Variants in SNTG1 observed in about 807,000 individuals in gnomAD.
SNTG1 encodes the protein gamma-1-syntrophin.
Under a neutral mutation model 74.7 loss-of-function variants are expected in SNTG1, and 39 were observed. The ratio of observed to expected loss-of-function variants is 0.52; its 90% CI spans 0.40 to 0.68. SNTG1 has a LOEUF of 0.68. Ranked by LOEUF, SNTG1 falls within the 30% of genes least tolerant of loss-of-function variation. SNTG1 has a pLI of 0.00. For synonymous variants in SNTG1, 254 were observed against 217.1 expected, an observed-to-expected ratio of 1.17 and a Z score of -1.49; for missense variants, 685 against 609.5, an observed-to-expected ratio of 1.12 and a Z score of -1.30.
chr8:50,035,215 T>A (rs1818051660), intron 1 of SNTG1, among the ~76,000 whole-genome samples: 5 of 152,190 alleles, frequency 3.3e-5, no homozygotes. Context: ...CTCCTGGGTG[T>A]CTCTCTTAGA....
chr8:50,658,039 A>G (rs1301698287), intron 14 of SNTG1, among the ~76,000 whole-genome samples: 3 of 152,132 alleles, frequency 2.0e-5, no homozygotes, highest in African/African-American at 4.8e-5. Flanking sequence ...CAGAGGAAAA[A>G]TTGATATTTA....
chr8:50,544,950 A>G (rs1241450528), intron 11 of SNTG1, among the ~76,000 whole-genome samples: 1 of 152,010 alleles, frequency 6.6e-6, no homozygotes, highest in Non-Finnish European at 1.5e-5. Flanking sequence ...TATTGCATAT[A>G]TATATGTATA....
chr8:50,607,921 A>G (rs2094824308), intron 13 of SNTG1, among the ~76,000 whole-genome samples: 2 of 151,674 alleles, frequency 1.3e-5, no homozygotes, highest in Non-Finnish European at 1.5e-5. Flanking sequence ...AAACTCATTC[A>G]TGGTAGTTTC....
At chr8:50,430,365 C>T (rs1269293047) in intron 4 of SNTG1, among the ~76,000 whole-genome samples, 1 of 152,030 alleles carries the variant, frequency 6.6e-6, no homozygotes, top group Non-Finnish European at 1.5e-5. Context: ...ACTGATGTCC[C>T]CAACTAGTTT....
chr8:49,957,283 G>A (rs913026635), intron 1 of SNTG1, among the ~76,000 whole-genome samples: 2 of 152,162 alleles, frequency 1.3e-5, no homozygotes, highest in South Asian at 4.1e-4. Context: ...AGCAACATCA[G>A]CAAAATGCCA....
intron 1 of SNTG1, among the ~76,000 whole-genome samples, chr8:50,153,025 G>A (rs893545655): frequency 4.6e-5 from 7 of 152,128 alleles, no homozygotes; most frequent in South Asian, 2.1e-4. Flanking sequence ...TATTCTCCCC[G>A]TCACTTTCAG....
At chr8:50,100,688 G>C (rs2080089059) in intron 1 of SNTG1, among the ~76,000 whole-genome samples, 1 of 151,982 alleles carries the variant, frequency 6.6e-6, no homozygotes, top group Non-Finnish European at 1.5e-5. Flanking sequence ...GTTTTATCTA[G>C]ATTTTTCTTC....
intron 17 of SNTG1, among the ~76,000 whole-genome samples, chr8:50,728,244 A>G (rs2095504789): frequency 6.6e-6 from 1 of 152,056 alleles, no homozygotes; most frequent in Admixed American, 6.5e-5. Flanking sequence ...AACACTAACT[A>G]TATACGAAGA....
chr8:50,049,124 T>C (rs1819348328), intron 1 of SNTG1, among the ~76,000 whole-genome samples: 1 of 151,984 alleles, frequency 6.6e-6, no homozygotes. Flanking sequence ...AAAAGAGCCA[T>C]GAATTGTAAA....
At chr8:50,687,837 T>C (rs2095359472) in intron 15 of SNTG1, among the ~76,000 whole-genome samples, 1 of 152,194 alleles carries the variant, frequency 6.6e-6, no homozygotes, top group Non-Finnish European at 1.5e-5. Context: ...TTTTTTGTCC[T>C]TGCGATATTT....
At chr8:50,513,694 G>T (rs985999053) in intron 9 of SNTG1, among the ~76,000 whole-genome samples, 1 of 152,202 alleles carries the variant, frequency 6.6e-6, no homozygotes, top group East Asian at 1.9e-4. Context: ...GAGGCTCCGT[G>T]GGCATAAGAC....
intron 15 of SNTG1, among the ~76,000 whole-genome samples, chr8:50,698,223 A>G (rs987738946): frequency 1.1e-4 from 16 of 152,178 alleles, no homozygotes; most frequent in African/African-American, 3.6e-4. Context: ...TAGGTTTTCT[A>G]GTTTGTGAGC....
intron 1 of SNTG1, among the ~76,000 whole-genome samples, chr8:49,942,200 A>C (rs530665398): frequency 6.6e-6 from 1 of 152,286 alleles, no homozygotes; most frequent in Non-Finnish European, 1.5e-5. Context: ...ATTTGTCTTG[A>C]CTGAGACCTA....
At chr8:50,770,513 A>G (rs546115735) in intron 18 of SNTG1, among the ~76,000 whole-genome samples, 1 of 151,996 alleles carries the variant, frequency 6.6e-6, no homozygotes, top group Non-Finnish European at 1.5e-5. Context: ...GAACCCACTG[A>G]AGGGTGTGGG....
chr8:50,207,997 A>G (rs1235866933), intron 2 of SNTG1, among the ~76,000 whole-genome samples: 1 of 152,164 alleles, frequency 6.6e-6, no homozygotes, highest in Non-Finnish European at 1.5e-5. Context: ...TATGTGGTCA[A>G]TTTTGAAATA....
intron 4 of SNTG1, among the ~76,000 whole-genome samples, chr8:50,413,684 C>T (rs1368906449): frequency 6.6e-6 from 1 of 152,136 alleles, no homozygotes; most frequent in African/African-American, 2.4e-5. Context: ...TGTGTTCTTT[C>T]CTTCAGTAAC....
rs76950010 is a variant in SNTG1 at position 50,437,169 on chromosome 8, T to G, written c.163-1374T>G. Among the ~76,000 whole-genome samples, 747 of 152,290 alleles carry G rather than the reference T, an allele frequency of 4.9e-3. 6 individuals are homozygous for G. The highest frequency in any genetic ancestry group is 0.017 in the African/African-American group (722 of 41,570). The stretch of plus-strand genomic sequence containing the variant: ...AAATAGATGAAATTACTCAGCACAT[T>G]GTCAAAATAAAGAAAATTTATTTTA... On this transcript the variant is annotated intron_variant, in intron 4 of 18. Transcript: ENST00000642720.
intron 2 of SNTG1, among the ~76,000 whole-genome samples, chr8:50,283,839 G>C (rs902894589): frequency 2.6e-5 from 4 of 152,032 alleles, no homozygotes; most frequent in Non-Finnish European, 4.4e-5. Flanking sequence ...TATTTTATAA[G>C]ATTTTCAGAT....
At chr8:50,088,843 C>G (rs968473082) in intron 1 of SNTG1, among the ~76,000 whole-genome samples, 2 of 148,470 alleles carry the variant, frequency 1.3e-5, no homozygotes, top group Non-Finnish European at 3.0e-5. Context: ...AGGTAATTTA[C>G]AGATTCAATG....
Sources: allele counts gnomAD v4.1 joint callset (sites outside exome capture counted in the v4.1 genomes callset), GRCh38; gene constraint gnomAD v4.1.1; transcripts MANE v1.5; gene names NCBI Gene and HGNC (gene_info 2026-07-23, HGNC 2026-07-21).